ART3: variants seen among roughly 807,000 people sequenced by gnomAD.
ART3 encodes the protein ADP-ribosyltransferase 3 (inactive).
Under a neutral mutation model 48.5 loss-of-function variants are expected in ART3, and 49 were observed. That is an observed-to-expected ratio of 1.01 (90% CI 0.80 to 1.28). ART3 has a LOEUF of 1.28. Ranked by LOEUF, ART3 falls within the 50% of genes most tolerant of loss-of-function variation. The pLI, the probability that ART3 is intolerant of heterozygous loss-of-function variation, is 0.00. For missense variants in ART3, 438 were observed against 454.3 expected (o/e 0.96, Z 0.33); for synonymous variants, 145 against 157.2 (o/e 0.92, Z 0.58).
intron 2 of ART3, among the ~76,000 whole-genome samples, chr4:76,079,716 G>A (rs2149541608): frequency 6.6e-6 from 1 of 152,168 alleles, no homozygotes; most frequent in African/African-American, 2.4e-5. Context: ...ATAATGGGGA[G>A]GGTTGAGCTA....
chr4:76,051,966 T>G (rs1736151984), intron 1 of ART3, among the ~76,000 whole-genome samples: 1 of 144,800 alleles, frequency 6.9e-6, no homozygotes. Flanking sequence ...TGGAGTGCAA[T>G]GGCGCAATCT....
intron 1 of ART3, among the ~76,000 whole-genome samples, chr4:76,015,619 A>G (rs1311044993): frequency 1.3e-5 from 2 of 152,198 alleles, no homozygotes; most frequent in African/African-American, 4.8e-5. Context: ...ATGAGCTTAT[A>G]TGTATAAAGG....
chr4:76,043,914 A>G (rs181577185), intron 1 of ART3, among the ~76,000 whole-genome samples: 148 of 152,062 alleles, frequency 9.7e-4, no homozygotes, highest in African/African-American at 3.4e-3. Flanking sequence ...CACTCTAGCT[A>G]CTTCCTGCTG....
intron 3 of ART3, among the ~76,000 whole-genome samples, chr4:76,095,481 CTGG>C (rs1725799442): frequency 6.6e-6 from 1 of 152,106 alleles, no homozygotes; most frequent in Non-Finnish European, 1.5e-5. Flanking sequence ...GCACTCCAGC[CTGG>C]GTGACAGAGC....
chr4:76,089,127 A>T (rs1724259675), intron 3 of ART3, among the ~76,000 whole-genome samples: 1 of 152,204 alleles, frequency 6.6e-6, no homozygotes, highest in Non-Finnish European at 1.5e-5. Context: ...TTACTTGCTA[A>T]TGGGATGTGT....
intron 2 of ART3, among the ~76,000 whole-genome samples, chr4:76,080,105 G>C (rs1356126028): frequency 6.6e-6 from 1 of 152,098 alleles, no homozygotes; most frequent in Non-Finnish European, 1.5e-5. Flanking sequence ...AATGGAAGAG[G>C]CATTATCCTT....
At chr4:76,101,058 C>T (rs1414519135) in intron 8 of ART3, 39 bp downstream of exon 8, 4 of 1,608,610 alleles carry the variant, frequency 2.5e-6, no homozygotes, top group African/African-American at 2.7e-5. Flanking sequence ...TTACATTTTG[C>T]AATATATCTC....
intron 1 of ART3, among the ~76,000 whole-genome samples, chr4:76,067,136 T>G (rs1248881327): frequency 1.3e-5 from 2 of 152,140 alleles, no homozygotes; most frequent in Non-Finnish European, 2.9e-5. Context: ...ATTTTTAAGG[T>G]CTCTTAGAAA....
chr4:76,023,364 T>A, intron 1 of ART3: 1 of 1,605,526 alleles, frequency 6.2e-7, no homozygotes, highest in Non-Finnish European at 8.5e-7. Flanking sequence ...CCTTTGATGT[T>A]CCTTACCTTG....
In ART3 at chr4:76,082,539, A is replaced by G. The variant is rs900675787; in HGVS notation, c.781+4A>G. ...TATGAGTGTGCATTTCTAGGTGGTA[A>G]GTGTCTGCTCTGTCTGTGCTTGGCT... On this transcript the variant is annotated splice_donor_region_variant and intron_variant, in intron 3 of 11. Coordinates refer to ENST00000355810, the MANE Select transcript of ART3 (RefSeq NM_001130016.3). 45 of 1,565,066 alleles carry G rather than the reference A, an allele frequency of 2.9e-5. No homozygotes were observed. Among genetic ancestry groups the G allele is most frequent in the Non-Finnish European group, 3.5e-5 (41 of 1,157,012 alleles).
chr4:76,030,133 T>G (rs1466547074), intron 1 of ART3, among the ~76,000 whole-genome samples: 1 of 152,236 alleles, frequency 6.6e-6, no homozygotes, highest in Admixed American at 6.5e-5. Context: ...CTCGGCTCAC[T>G]GCAACCTCCA....
At chr4:76,066,127 A>G (rs933750887) in intron 1 of ART3, among the ~76,000 whole-genome samples, 4 of 152,172 alleles carry the variant, frequency 2.6e-5, no homozygotes, top group African/African-American at 9.7e-5. Context: ...GTTTAGAAAC[A>G]CCCTAGTAAT....
At chr4:76,068,544 CAT>C (rs967262353) in intron 1 of ART3, among the ~76,000 whole-genome samples, 6 of 152,088 alleles carry the variant, frequency 3.9e-5, no homozygotes, top group Non-Finnish European at 7.3e-5. Flanking sequence ...CCAAATATCA[CAT>C]GTTACCACTT....
At chr4:76,099,529 G>A (rs1271253396) in intron 5 of ART3, 1 of 165,740 alleles carries the variant, frequency 6.0e-6, no homozygotes. Context: ...TACGGGTGGT[G>A]AGAATGAAGA....
At position 76,098,917 on chromosome 4, in the gene ART3, G is replaced by T. The variant is rs146608559; in HGVS notation, c.815-38G>T. 5.5e-5 allele frequency: 86 copies of T among 1,556,364 alleles called. 1 individual carries two copies. In the East Asian group the frequency reaches 9.4e-4, roughly 17 times the overall value. ...GACTGATCCTGACATTCACATCTGA[G>T]CATAGTACCATGTAATGAAAACATG... On this transcript the variant is annotated intron_variant, in intron 4 of 11. Transcript: ENST00000355810.
chr4:76,085,359 T>C (rs1189479795), intron 3 of ART3, among the ~76,000 whole-genome samples: 1 of 152,194 alleles, frequency 6.6e-6, no homozygotes, highest in Non-Finnish European at 1.5e-5. Context: ...CATTGATGTC[T>C]GGGTAGGGAC....
chr4:76,085,022 C>A lies in ART3; in HGVS notation c.781+2487C>A, dbSNP rs374809885. ...ACCTGTGTAATCTTGTTTCCTTGAA[C>A]CTGAGCTGTAATTTGGAAGCAAAAG... is the stretch of plus-strand genomic sequence containing the variant. On this transcript the variant is annotated intron_variant, in intron 3 of 11. Transcript: ENST00000355810. 4.6e-5 allele frequency among the ~76,000 whole-genome samples: 7 copies of A among 152,298 alleles called. No individual in the cohort carries two copies. In the South Asian group the frequency reaches 1.5e-3, roughly 32 times the overall value.
At chr4:76,065,936 G>T (rs1431501040) in intron 1 of ART3, among the ~76,000 whole-genome samples, 2 of 152,034 alleles carry the variant, frequency 1.3e-5, no homozygotes, top group Non-Finnish European at 2.9e-5. Context: ...GGAAGGAAAA[G>T]GTTGATAATG....
intron 1 of ART3, among the ~76,000 whole-genome samples, chr4:76,038,085 C>G (rs1269823174): frequency 6.6e-6 from 1 of 152,110 alleles, no homozygotes; most frequent in Admixed American, 6.6e-5. Flanking sequence ...AAATTGTGCA[C>G]TTTTCTGAGT....
Sources: gnomAD v4.1 joint callset for allele counts (sites outside exome capture counted in the v4.1 genomes callset) on GRCh38, gnomAD v4.1.1 for gene constraint, MANE v1.5 for transcripts, NCBI Gene and HGNC (gene_info 2026-07-23, HGNC 2026-07-21) for gene names.